The following SUSD4 variants were observed in gnomAD, a reference collection of about 807,000 sequenced individuals.
SUSD4 encodes sushi domain-containing protein 4.
In SUSD4, 41 loss-of-function variants were observed where a neutral mutation model predicts 50.5. The ratio of observed to expected loss-of-function variants is 0.81; its 90% CI spans 0.63 to 1.05. The LOEUF (loss-of-function observed/expected upper bound fraction) is 1.05, where lower values mean the gene tolerates loss of function less well. SUSD4 is among the 50% of genes least tolerant of loss of function. SUSD4 has a pLI of 0.00. For synonymous variants in SUSD4, 257 were observed against 257.3 expected, an observed-to-expected ratio of 1.00 and a Z score of 0.01; for missense variants, 580 against 634.7, an observed-to-expected ratio of 0.91 and a Z score of 0.93.
chr1:223,310,406 T>C (rs1019482138), intron 2 of SUSD4, among the ~76,000 whole-genome samples: 5 of 152,114 alleles, frequency 3.3e-5, no homozygotes, highest in African/African-American at 1.2e-4. Context: ...CCAAAACAAT[T>C]CCTAACAGTC....
intron 2 of SUSD4, among the ~76,000 whole-genome samples, chr1:223,346,061 C>T (rs1008606794): frequency 1.3e-5 from 2 of 152,182 alleles, no homozygotes; most frequent in Non-Finnish European, 2.9e-5. Context: ...TGAGGCTGAT[C>T]ATTCTCCGTT....
intron 2 of SUSD4, among the ~76,000 whole-genome samples, chr1:223,307,393 A>G (rs1387551679): frequency 6.6e-6 from 1 of 152,256 alleles, no homozygotes; most frequent in African/African-American, 2.4e-5. Context: ...CATTTCATCC[A>G]TACAACAACC....
intron 2 of SUSD4, among the ~76,000 whole-genome samples, chr1:223,331,793 G>C (rs909809466): frequency 3.3e-5 from 5 of 152,184 alleles, no homozygotes; most frequent in Non-Finnish European, 7.3e-5. Context: ...ACCCCAGCCT[G>C]GTGGTGTCAA....
intron 5 of SUSD4, among the ~76,000 whole-genome samples, chr1:223,262,950 C>T (rs1215561397): frequency 1.3e-5 from 2 of 152,180 alleles, no homozygotes; most frequent in East Asian, 1.9e-4. Flanking sequence ...AAGCCACTCT[C>T]GGCTCCCTGT....
chr1:223,360,498 T>G lies in SUSD4; in HGVS notation c.148+2780A>C, dbSNP rs17163843. 6.6e-3 allele frequency among the ~76,000 whole-genome samples: 1,012 copies of G among 152,280 alleles called. 28 individuals carry two copies. In the East Asian group the frequency reaches 0.086, roughly 13 times the overall value. ...TGGAGAGAGCCACCCAAACATCATC[T>G]CAGGACAAGTCAGGCTCATAAAAGC... On this transcript the variant is annotated intron_variant, in intron 2 of 8. Coordinates refer to ENST00000366878, the MANE Select transcript of SUSD4 (RefSeq NM_017982.4).
rs1341707181 is a variant in SUSD4, at chr1:223,340,003, C to T, written c.148+23275G>A. ...CACTCAACTCCTTATCTCCTTATCT[C>T]CTTAAAGCCGTCTCCTTTACACAAC... On this transcript the variant is annotated intron_variant, in intron 2 of 8. Transcript: ENST00000366878. Among the ~76,000 whole-genome samples the T allele has an allele frequency of 2.0e-5, 3 of 152,228 alleles. No individual in the cohort carries two copies. In the South Asian group the frequency reaches 6.2e-4, roughly 31 times the overall value.
chr1:223,336,754 T>C (rs565896746), intron 2 of SUSD4, among the ~76,000 whole-genome samples: 1 of 152,174 alleles, frequency 6.6e-6, no homozygotes, highest in Non-Finnish European at 1.5e-5. Context: ...GTTCCAAGTG[T>C]GCTTGGAACC....
At position 223,268,501 on chromosome 1, in the gene SUSD4, C is replaced by A; in HGVS notation, c.535+1G>T. The A allele has an allele frequency of 6.2e-7, 1 of 1,612,470 alleles. No homozygotes were observed. Among genetic ancestry groups the A allele is most frequent in the Non-Finnish European group, 8.5e-7 (1 of 1,179,214 alleles). ...TGAGAACTGAAGCATCAGTCCCGTA[C>A]CTTGACAGATGGGCAGATTATTCCA... On this transcript the variant is annotated splice_donor_variant, in intron 4 of 8. Transcript: ENST00000366878. LOFTEE classifies it high-confidence loss of function.
intron 5 of SUSD4, among the ~76,000 whole-genome samples, chr1:223,254,005 A>C (rs532567648): frequency 7.2e-5 from 11 of 152,344 alleles, no homozygotes; most frequent in African/African-American, 2.6e-4. Flanking sequence ...AGGGGACTAC[A>C]GGGCAAAGGA....
intron 2 of SUSD4, among the ~76,000 whole-genome samples, chr1:223,314,764 T>C (rs1558241947): frequency 6.6e-6 from 1 of 152,318 alleles, no homozygotes; most frequent in East Asian, 1.9e-4. Flanking sequence ...CCTTCTGCCA[T>C]GAGTGTGAGG....
At chr1:223,254,004 CA>C (rs1164708197) in intron 5 of SUSD4, among the ~76,000 whole-genome samples, 1 of 152,192 alleles carries the variant, frequency 6.6e-6, no homozygotes, top group Non-Finnish European at 1.5e-5. Context: ...GAGGGGACTA[CA>C]GGGCAAAGGA....
chr1:223,327,865 A>T (rs1467604369), intron 2 of SUSD4, among the ~76,000 whole-genome samples: 2 of 152,214 alleles, frequency 1.3e-5, no homozygotes, highest in East Asian at 3.8e-4. Flanking sequence ...CTCCTTGGTC[A>T]AACCCTCTAA....
At chr1:223,241,025 A>G (rs998028278) in intron 5 of SUSD4, among the ~76,000 whole-genome samples, 1 of 152,146 alleles carries the variant, frequency 6.6e-6, no homozygotes, top group Non-Finnish European at 1.5e-5. Flanking sequence ...AGTGCTTCTC[A>G]GCTTTGTTTT....
chr1:223,241,302 C>G (rs751865471), intron 5 of SUSD4, among the ~76,000 whole-genome samples: 2 of 152,132 alleles, frequency 1.3e-5, no homozygotes, highest in African/African-American at 2.4e-5. Flanking sequence ...CTTCTGGAGG[C>G]AAAACTCACA....
chr1:223,307,227 A>G (rs34827745), intron 2 of SUSD4, among the ~76,000 whole-genome samples: 73,189 of 152,018 alleles, frequency 0.48, 17,894 homozygotes, highest in East Asian at 0.58. Flanking sequence ...AAGACAATGC[A>G]TGGGGCAATC....
rs1659900513 is a variant in SUSD4 at position 223,231,550 on chromosome 1, T to C, written c.725-2162A>G. ...GCATTTCCACAAACAGGGGCTCTTTTCAAGTTTGCTACCACCAGGGTGCTC... is the reference window on the plus strand; with the variant it reads ...GCATTTCCACAAACAGGGGCTCTTTCCAAGTTTGCTACCACCAGGGTGCTC... On this transcript the variant is annotated intron_variant, in intron 5 of 8. Transcript: ENST00000366878. This position sits in a 1 kb window ranked among gnomAD's most constrained non-coding sequence, Gnocchi z 4.2. Among the ~76,000 whole-genome samples, 1 of 152,184 alleles carries C rather than the reference T, an allele frequency of 6.6e-6. No homozygotes were observed. Among genetic ancestry groups the C allele is most frequent in the Admixed American group, 6.5e-5 (1 of 15,290 alleles).
intron 5 of SUSD4, among the ~76,000 whole-genome samples, chr1:223,258,353 GT>G (rs1661847547): frequency 6.6e-6 from 1 of 152,170 alleles, no homozygotes; most frequent in African/African-American, 2.4e-5. Context: ...AGGTTCTTCA[GT>G]TTCTTATTTT....
Position 223,264,580 on chromosome 1 carries a change from C to T in SUSD4, c.724+50G>A, listed in dbSNP as rs753989493. The T allele has an allele frequency of 3.8e-6, 6 of 1,598,750 alleles. No individual in the cohort carries two copies. In the African/African-American group the frequency reaches 6.7e-5, roughly 18 times the overall value. Reference sequence around the variant, plus strand: ...GCTCTTCCTCCTACTGATCTTCTTCCTCCCTTTAATAATACAAAATACAAC... The same window carrying T: ...GCTCTTCCTCCTACTGATCTTCTTCTTCCCTTTAATAATACAAAATACAAC... On this transcript the variant is annotated intron_variant, in intron 5 of 8. Transcript: ENST00000366878.
intron 5 of SUSD4, among the ~76,000 whole-genome samples, chr1:223,252,236 A>AATATATATATATAT (rs1193229922): frequency 3.3e-5 from 3 of 89,728 alleles, no homozygotes; most frequent in African/African-American, 1.2e-4. Flanking sequence ...AAAAAAAAAA[A>AATATATATATATAT]ATATATATAT....
Sources: gnomAD v4.1 joint callset for allele counts (sites outside exome capture counted in the v4.1 genomes callset) on GRCh38, gnomAD v4.1.1 for gene constraint, Gnocchi (gnomAD v3.1) non-coding constraint, MANE v1.5 for transcripts, NCBI Gene and HGNC (gene_info 2026-07-23, HGNC 2026-07-21) for gene names.